R3HDM2: variants seen among roughly 807,000 people sequenced by gnomAD.
R3HDM2 encodes the protein R3H domain containing 2, also known as R3H domain-containing protein 2.
In R3HDM2, 38 loss-of-function variants were observed where a neutral mutation model predicts 124.5. That is an observed-to-expected ratio of 0.31 (90% CI 0.24 to 0.40). The LOEUF (loss-of-function observed/expected upper bound fraction) is 0.40. Ranked by LOEUF, R3HDM2 falls within the 10% of genes least tolerant of loss-of-function variation. The probability of loss-of-function intolerance (pLI) is 1.00; values close to 1 mark genes in which losing one functional copy is unlikely to be tolerated. For synonymous variants in R3HDM2, 391 were observed against 448.0 expected (o/e 0.87, Z 1.61); for missense variants, 869 against 1,236.9 (o/e 0.70, Z 4.46).
intron 2 of R3HDM2, among the ~76,000 whole-genome samples, chr12:57,392,245 A>G (rs1178922166): frequency 6.6e-6 from 1 of 152,196 alleles, no homozygotes; most frequent in Non-Finnish European, 1.5e-5. Flanking sequence ...AAGGACACAA[A>G]TAACAGCGGT....
intron 12 of R3HDM2, 94 bp from the exon 13 acceptor site, chr12:57,284,150 A>C: frequency 8.7e-7 from 1 of 1,145,440 alleles, no homozygotes; most frequent in Non-Finnish European, 1.2e-6. Flanking sequence ...ATAACAAAGA[A>C]TGGGTAAGAA....
At chr12:57,366,134 C>T (rs1468882673) in intron 2 of R3HDM2, among the ~76,000 whole-genome samples, 1 of 152,088 alleles carries the variant, frequency 6.6e-6, no homozygotes, top group African/African-American at 2.4e-5. Flanking sequence ...CTCACTGACA[C>T]TCTTCACTTA....
chr12:57,349,734 G>C (rs949728332), intron 2 of R3HDM2, among the ~76,000 whole-genome samples: 1 of 151,728 alleles, frequency 6.6e-6, no homozygotes, highest in African/African-American at 2.4e-5. Flanking sequence ...CTAATTTTCT[G>C]TATTTTTAGT....
intron 10 of R3HDM2, among the ~76,000 whole-genome samples, chr12:57,294,515 G>C (rs2049311980): frequency 6.6e-6 from 1 of 152,104 alleles, no homozygotes; most frequent in African/African-American, 2.4e-5. Context: ...CAGCAAGCAG[G>C]AAAGGTCCTG....
At chr12:57,343,522 T>C (rs567950154) in intron 2 of R3HDM2, among the ~76,000 whole-genome samples, 3 of 151,968 alleles carry the variant, frequency 2.0e-5, no homozygotes, top group South Asian at 2.1e-4. Context: ...CAAGGAAGGA[T>C]AGTAATAATC....
Position 57,430,709 on chromosome 12 carries a change from G to T in R3HDM2, c.-106+11C>A. 1 of 472,648 alleles carries T rather than the reference G, an allele frequency of 2.1e-6. No homozygotes were observed. Among genetic ancestry groups the T allele is most frequent in the Non-Finnish European group, 2.8e-6 (1 of 362,828 alleles). The allele number at this position is 472,648 out of a possible 1,614,324, so 29.3% of individuals were successfully genotyped here. On this transcript the variant is annotated intron_variant, in intron 1 of 23. Transcript: ENST00000402412. ...GGGCCGCCCGCCCCCTCGGCCGGGA[G>T]GTGGCCTCACCTCGCACGGGCCTTG...
At chr12:57,416,092 C>A (rs758259485) in intron 1 of R3HDM2, among the ~76,000 whole-genome samples, 1 of 152,100 alleles carries the variant, frequency 6.6e-6, no homozygotes, top group African/African-American at 2.4e-5. Context: ...GTGGAAAACA[C>A]CACTGTTCTC....
At chr12:57,307,626 C>CTTT (rs1019477707) in intron 3 of R3HDM2, among the ~76,000 whole-genome samples, 1 of 103,714 alleles carries the variant, frequency 9.6e-6, no homozygotes, top group Non-Finnish European at 2.0e-5. Flanking sequence ...CAGCCATGCT[C>CTTT]TTTTTTTTTT....
chr12:57,392,739 AGTGTG>A (rs1431982738), intron 2 of R3HDM2, among the ~76,000 whole-genome samples: 1 of 151,550 alleles, frequency 6.6e-6, no homozygotes, highest in Non-Finnish European at 1.5e-5. Context: ...ACTAAAGCCA[AGTGTG>A]GTGGCTCATG....
intron 1 of R3HDM2, among the ~76,000 whole-genome samples, chr12:57,401,919 G>C (rs1215095311): frequency 6.6e-6 from 1 of 152,022 alleles, no homozygotes; most frequent in Admixed American, 6.6e-5. Context: ...GGGAGGTGGA[G>C]GTTGCAGTGA....
chr12:57,267,150 C>T (rs965280088), intron 18 of R3HDM2, among the ~76,000 whole-genome samples: 3 of 151,820 alleles, frequency 2.0e-5, no homozygotes, highest in Non-Finnish European at 4.4e-5. Flanking sequence ...TTCCAAGAAA[C>T]ACAACAGAAA....
At chr12:57,389,712 T>G (rs55914503) in intron 2 of R3HDM2, among the ~76,000 whole-genome samples, 276 of 152,320 alleles carry the variant, frequency 1.8e-3, no homozygotes, top group African/African-American at 6.5e-3. Flanking sequence ...GTTGTGATTT[T>G]ATAAACATGA....
At chr12:57,333,340 A>C (rs1473165278) in intron 2 of R3HDM2, among the ~76,000 whole-genome samples, 1 of 152,166 alleles carries the variant, frequency 6.6e-6, no homozygotes, top group East Asian at 1.9e-4. Flanking sequence ...AAAGAAAAAC[A>C]TGGAAGAAAA....
chr12:57,425,673 G>T (rs1235803287), intron 1 of R3HDM2, among the ~76,000 whole-genome samples: 4 of 152,000 alleles, frequency 2.6e-5, no homozygotes, highest in Non-Finnish European at 5.9e-5. Context: ...ATGGCGGGTG[G>T]CTATAATCCA....
At chr12:57,415,549 A>G (rs1263433907) in intron 1 of R3HDM2, 1 of 148,414 alleles carries the variant, frequency 6.7e-6, no homozygotes, top group Non-Finnish European at 1.5e-5. Flanking sequence ...TTACCAAAGG[A>G]AAAGGATCCA....
At chr12:57,360,888 TA>T (rs1403036268) in intron 2 of R3HDM2, among the ~76,000 whole-genome samples, 1 of 151,280 alleles carries the variant, frequency 6.6e-6, no homozygotes, top group African/African-American at 2.4e-5. Context: ...CTGTCTCTAC[TA>T]AAAATACAAA....
At chr12:57,407,328 A>C (rs1566500719) in intron 1 of R3HDM2, among the ~76,000 whole-genome samples, 2 of 152,118 alleles carry the variant, frequency 1.3e-5, no homozygotes, top group Non-Finnish European at 2.9e-5. Context: ...TCCTATTTTA[A>C]ACATATAAGC....
At chr12:57,425,296 A>C (rs1193528626) in intron 1 of R3HDM2, among the ~76,000 whole-genome samples, 1 of 152,148 alleles carries the variant, frequency 6.6e-6, no homozygotes, top group East Asian at 1.9e-4. Context: ...AATTATTCAC[A>C]AAATGAGAAC....
intron 2 of R3HDM2, among the ~76,000 whole-genome samples, chr12:57,353,617 G>A (rs1184029338): frequency 6.6e-6 from 1 of 151,880 alleles, no homozygotes; most frequent in Admixed American, 6.6e-5. Context: ...GTCTTGTTAT[G>A]TTGCTCAAGC....
Sources: allele counts gnomAD v4.1 joint callset (sites outside exome capture counted in the v4.1 genomes callset), GRCh38; gene constraint gnomAD v4.1.1; transcripts MANE v1.5; gene names NCBI Gene and HGNC (gene_info 2026-07-23, HGNC 2026-07-21).